The following STAB2 variants were observed in gnomAD, a reference collection of about 807,000 sequenced individuals.
STAB2 encodes the protein stabilin-2.
STAB2 carries 288 observed loss-of-function variants against 338.1 expected under a neutral mutation model. That is an observed-to-expected ratio of 0.85 (90% CI 0.77 to 0.94). The LOEUF (loss-of-function observed/expected upper bound fraction) is 0.94, where lower values mean the gene tolerates loss of function less well. Ranked by LOEUF, STAB2 falls within the 40% of genes least tolerant of loss-of-function variation. The pLI, the probability that STAB2 is intolerant of heterozygous loss-of-function variation, is 0.00. For synonymous variants in STAB2, 1,202 were observed against 1,193.3 expected, an observed-to-expected ratio of 1.01 and a Z score of -0.15; for missense variants, 3,141 against 3,210.1, an observed-to-expected ratio of 0.98 and a Z score of 0.52.
In STAB2 at chr12:103,601,197, T is replaced by C. The variant is rs982646188; in HGVS notation, c.331+6687T>C. ...TTAAATACTGAGATAGTGCACGTAA[T>C]GTGCTTGGCATGCTACCCAGGGTCT... On this transcript the variant is annotated intron_variant, in intron 3 of 68. Coordinates refer to ENST00000388887, the MANE Select transcript of STAB2 (RefSeq NM_017564.10). Among the ~76,000 whole-genome samples, 3 of 152,012 alleles carry C rather than the reference T, an allele frequency of 2.0e-5. No individual in the cohort carries two copies. In the South Asian group the frequency reaches 6.2e-4, roughly 32 times the overall value.
chr12:103,722,976 ATTAG>A (rs995128091), intron 44 of STAB2, among the ~76,000 whole-genome samples: 27 of 152,290 alleles, frequency 1.8e-4, no homozygotes, highest in African/African-American at 3.4e-4. Flanking sequence ...GAGTCAGTCC[ATTAG>A]TTAGTTAGTT....
intron 9 of STAB2, 65 bp from the exon 10 acceptor site, chr12:103,648,625 G>A: frequency 6.3e-7 from 1 of 1,579,588 alleles, no homozygotes; most frequent in Non-Finnish European, 8.6e-7. Context: ...GAGGGGATTG[G>A]ACTGTATGAT....
intron 25 of STAB2, among the ~76,000 whole-genome samples, chr12:103,682,272 C>T (rs1876983940): frequency 6.6e-6 from 1 of 151,938 alleles, no homozygotes; most frequent in African/African-American, 2.4e-5. Flanking sequence ...GTGTCCACAT[C>T]CATCCTCGTT....
At chr12:103,607,439 A>G (rs556961893) in intron 3 of STAB2, among the ~76,000 whole-genome samples, 26 of 149,122 alleles carry the variant, frequency 1.7e-4, no homozygotes, top group South Asian at 1.7e-3. Flanking sequence ...CGCAACGTGC[A>G]GGTTTGTTAC....
chr12:103,632,798 T>G (rs928793734), intron 6 of STAB2, among the ~76,000 whole-genome samples: 1 of 152,178 alleles, frequency 6.6e-6, no homozygotes, highest in African/African-American at 2.4e-5. Context: ...CTGGCAAAAC[T>G]TAACATCGAC....
At chr12:103,659,329 G>A (rs561096387) in intron 15 of STAB2, among the ~76,000 whole-genome samples, 1 of 152,208 alleles carries the variant, frequency 6.6e-6, no homozygotes, top group Non-Finnish European at 1.5e-5. Flanking sequence ...CAGTGACCAA[G>A]GCCAAATGCA....
At chr12:103,636,199 C>CAA in intron 6 of STAB2, among the ~76,000 whole-genome samples, 1 of 126,462 alleles carries the variant, frequency 7.9e-6, no homozygotes, top group East Asian at 2.8e-4. Context: ...CATCCCCCCT[C>CAA]CCCCCACCCC....
Position 103,670,754 on chromosome 12 carries a change from C to G in STAB2, c.2318C>G (p.Ser773Cys), listed in dbSNP as rs746203234. The change falls in exon 22 of 69, where the codon TCC becomes TGC. Residue 773 changes from serine (S) to cysteine (C), a missense_variant. Transcript: ENST00000388887. ...TCICEEGFQG[S>C]QCQFCSDPNK... ...ATTTGTGAGGAGGGCTTCCAAGGCT[C>G]CCAGTGTCAGTTCTGCTCTGATCCC... 4 of 1,614,150 alleles carry G rather than the reference C, an allele frequency of 2.5e-6. No individual in the cohort carries two copies. The Admixed American group carries it at 5.0e-5, about 20-fold the overall frequency.
chr12:103,627,198 C>G (rs1565970156), intron 5 of STAB2, among the ~76,000 whole-genome samples: 1 of 152,124 alleles, frequency 6.6e-6, no homozygotes, highest in Admixed American at 6.5e-5. Flanking sequence ...GCCTGGGCCC[C>G]TAAGCACTGC....
intron 3 of STAB2, among the ~76,000 whole-genome samples, chr12:103,611,110 A>T (rs1432925923): frequency 6.6e-6 from 1 of 152,210 alleles, no homozygotes; most frequent in African/African-American, 2.4e-5. Context: ...ACTTCCAACT[A>T]TGTGGTCAAT....
intron 3 of STAB2, among the ~76,000 whole-genome samples, chr12:103,600,827 A>G (rs1956943225): frequency 1.3e-5 from 1 of 75,078 alleles, no homozygotes; most frequent in Non-Finnish European, 2.4e-5. Flanking sequence ...GCACAGCTAC[A>G]GGCAGACACC....
At position 103,622,109 on chromosome 12, in the gene STAB2, C is replaced by G; in HGVS notation, c.485C>G (p.Ser162Ter). Reference protein sequence around the residue: ...DDNLFGPSCSSVCNCVHGVCN... With the variant: ...DDNLFGPSCS ...AACTTATTTGGACCCAGCTGTTCAT[C>G]AGGTATGTCTGATTTTTGTGTAATC... is the stretch of plus-strand genomic sequence containing the variant. The change falls in exon 5 of 69, where the codon TCA becomes TGA. Residue 162 changes from serine to a stop codon, truncating the protein, a stop_gained and splice_region_variant. Transcript: ENST00000388887. LOFTEE classifies it high-confidence loss of function. 1 of 1,614,170 alleles carries G rather than the reference C, an allele frequency of 6.2e-7. No individual in the cohort carries two copies. The highest frequency in any genetic ancestry group is 8.5e-7 in the Non-Finnish European group (1 of 1,180,026).
At chr12:103,747,296 A>T (rs1362213414) in intron 58 of STAB2, among the ~76,000 whole-genome samples, 2 of 152,354 alleles carry the variant, frequency 1.3e-5, no homozygotes, top group East Asian at 3.9e-4. Flanking sequence ...TCAGCCATAC[A>T]GAGGCCCAAA....
At chr12:103,656,933 G>A (rs953148036) in intron 15 of STAB2, among the ~76,000 whole-genome samples, 2 of 151,552 alleles carry the variant, frequency 1.3e-5, no homozygotes, top group African/African-American at 4.9e-5. Context: ...TGATCCACCC[G>A]CCTCGGCCTC....
intron 66 of STAB2, 52 bp from the exon 67 acceptor site, chr12:103,762,222 T>C (rs987884494): frequency 1.2e-5 from 20 of 1,604,566 alleles, no homozygotes; most frequent in Admixed American, 6.9e-5. Context: ...GGTTCCCCTT[T>C]TGGGGAGTCA....
Position 103,648,729 on chromosome 12 carries a change from G to C in STAB2, c.1080G>C (p.Thr360=). The change falls in exon 10 of 69, where the codon ACG becomes ACC. Residue 360 remains threonine (T), a synonymous_variant. Coordinates refer to ENST00000388887, the MANE Select transcript of STAB2 (RefSeq NM_017564.10). ...CQKGYVGDGL[T]CYGNIMERLR... ...AAGGTTACGTGGGTGATGGCTTAAC[G>C]TGTTATGGAAACATTATGGAGCGAC... The C allele has an allele frequency of 6.2e-7, 1 of 1,614,078 alleles. No homozygotes were observed. Among genetic ancestry groups the C allele is most frequent in the Non-Finnish European group, 8.5e-7 (1 of 1,179,998 alleles).
chr12:103,750,654 G>C lies in STAB2; in HGVS notation c.6514G>C (p.Asp2172His). 1 of 1,614,222 alleles carries C rather than the reference G, an allele frequency of 6.2e-7. No individual in the cohort carries two copies. The highest frequency in any genetic ancestry group is 8.5e-7 in the Non-Finnish European group (1 of 1,180,024). The change falls in exon 60 of 69, where the codon GAC becomes CAC. Residue 2172 changes from aspartate (D) to histidine (H), a missense_variant. Asp to His is a moderately conservative substitution (Grantham distance 81). Transcript: ENST00000388887. Reference protein sequence around the residue: ...LNCEPEQLPIDRCLQDNGQCH... With the variant: ...LNCEPEQLPIHRCLQDNGQCH... ...CTGTGAGCCGGAGCAGCTGCCCATT[G>C]ACCGCTGCTTACAGGACAATGGGCA...
At chr12:103,623,761 C>T (rs550901535) in intron 5 of STAB2, among the ~76,000 whole-genome samples, 1 of 152,256 alleles carries the variant, frequency 6.6e-6, no homozygotes, top group South Asian at 2.1e-4. Context: ...ACAGCAGCAA[C>T]AGGGAATTAA....
intron 46 of STAB2, 99 bp downstream of exon 46, chr12:103,726,262 GCAGA>G: frequency 7.8e-7 from 1 of 1,282,864 alleles, no homozygotes; most frequent in Non-Finnish European, 1.1e-6. Flanking sequence ...GCCAAGGCGG[GCAGA>G]TTGCCTGAGC....
Sources: gnomAD v4.1 joint callset for allele counts (sites outside exome capture counted in the v4.1 genomes callset) on GRCh38, gnomAD v4.1.1 for gene constraint, MANE v1.5 for transcripts, NCBI Gene and HGNC (gene_info 2026-07-23, HGNC 2026-07-21) for gene names.